Variants in MTPAP observed in about 807,000 individuals in gnomAD.
The protein encoded by MTPAP is mitochondrial poly(A) polymerase, also known as poly(A) RNA polymerase, mitochondrial.
A neutral mutation model predicts 48.7 loss-of-function variants in MTPAP; 23 were observed. The observed-to-expected ratio is 0.47, with a 90% CI of 0.34 to 0.67. The LOEUF (loss-of-function observed/expected upper bound fraction) is 0.67. Among genes scored for constraint, MTPAP ranks in the 30% least tolerant of loss-of-function variants. The pLI, the probability that MTPAP is intolerant of heterozygous loss-of-function variation, is 0.01. For missense variants in MTPAP, 614 were observed against 694.3 expected, an observed-to-expected ratio of 0.88 and a Z score of 1.30; for synonymous variants, 257 against 254.1, an observed-to-expected ratio of 1.01 and a Z score of -0.11.
At chr10:30,323,260 T>G (rs1466625673) in intron 5 of MTPAP, among the ~76,000 whole-genome samples, 1 of 149,750 alleles carries the variant, frequency 6.7e-6, no homozygotes, top group Non-Finnish European at 1.5e-5. Flanking sequence ...GAGACCAGCC[T>G]GGCCAACATG....
At position 30,312,776 on chromosome 10, in the gene MTPAP, G is replaced by T. The variant is rs2132840602; in HGVS notation, c.*833C>A. 1 of 152,190 alleles carries T rather than the reference G, an allele frequency of 6.6e-6. No individual in the cohort carries two copies. The highest frequency in any genetic ancestry group is 6.5e-5 in the Admixed American group (1 of 15,290). The allele number at this position is 152,190 out of a possible 1,614,324, so 9.4% of individuals were successfully genotyped here. On this transcript the variant is annotated 3_prime_UTR_variant, in exon 9 of 9. Transcript: ENST00000263063. ...AGACAAATATGTCTCTTTCCTGCAG[G>T]AAGAGGGGAGTTCTCAAAAGAGATG...
rs1840623120 is a variant in MTPAP, at chr10:30,313,492, T to C, written c.*117A>G. ...GTTAAGGGGGCCAATGAGAAGATCA[T>C]GAAAAGTGACATCAGATGAAAGCTG... On this transcript the variant is annotated 3_prime_UTR_variant, in exon 9 of 9. Transcript: ENST00000263063. 3.5e-6 allele frequency: 5 copies of C among 1,421,970 alleles called. No individual in the cohort carries two copies. The highest frequency in any genetic ancestry group is 2.3e-5 in the East Asian group (1 of 44,038). 88.1% of individuals were successfully genotyped at this position (1,421,970 alleles called of 1,614,324 possible).
chr10:30,316,449 G>T (rs1840663483), intron 6 of MTPAP, among the ~76,000 whole-genome samples: 2 of 151,192 alleles, frequency 1.3e-5, no homozygotes, highest in Admixed American at 1.3e-4. Context: ...TACCATGTTG[G>T]CCAGGCTGGT....
At chr10:30,344,041 T>C (rs1041155049) in intron 1 of MTPAP, among the ~76,000 whole-genome samples, 46 of 152,326 alleles carry the variant, frequency 3.0e-4, no homozygotes, top group African/African-American at 1.0e-3. Context: ...AAGTGTTCTT[T>C]ATAAAATGGT....
intron 6 of MTPAP, among the ~76,000 whole-genome samples, chr10:30,316,821 C>T (rs888955727): frequency 1.3e-5 from 2 of 151,802 alleles, no homozygotes; most frequent in Admixed American, 6.6e-5. Context: ...ACCCAGGAGG[C>T]GGAGGTTGCA....
At position 30,312,066 on chromosome 10, in the gene MTPAP, C is replaced by A. The variant is rs937658853; in HGVS notation, c.*1543G>T. 1 of 152,226 alleles carries A rather than the reference C, an allele frequency of 6.6e-6. No homozygotes were observed. Among genetic ancestry groups the A allele is most frequent in the East Asian group, 1.9e-4 (1 of 5,190 alleles). 9.4% of individuals were successfully genotyped at this position (152,226 alleles called of 1,614,324 possible). A position where few individuals can be genotyped will look rare whatever the true frequency, so the allele number is the denominator to read the frequency against. ...AGGAGAATCACTTGAATCCGGGAGG[C>A]GGAGGTTGCAGTGAGCTGAGATTGT... On this transcript the variant is annotated 3_prime_UTR_variant, in exon 9 of 9. Transcript: ENST00000263063.
chr10:30,314,017 G>T (rs1211507908), intron 8 of MTPAP, 46 bp from the exon 9 acceptor site: 15 of 1,589,050 alleles, frequency 9.4e-6, no homozygotes, highest in Non-Finnish European at 1.3e-5. Flanking sequence ...TACATGAAGG[G>T]CTTAAATATA....
intron 5 of MTPAP, among the ~76,000 whole-genome samples, chr10:30,323,446 T>G (rs1840750111): frequency 1.1e-5 from 1 of 88,016 alleles, no homozygotes; most frequent in Non-Finnish European, 2.3e-5. Context: ...AGCAAGACCC[T>G]GCCTCAAAAA....
intron 4 of MTPAP, among the ~76,000 whole-genome samples, chr10:30,332,540 C>T (rs1429467067): frequency 5.9e-5 from 9 of 152,116 alleles, no homozygotes; most frequent in African/African-American, 1.9e-4. Context: ...GTGATCCACC[C>T]GACTTGGCCT....
intron 5 of MTPAP, among the ~76,000 whole-genome samples, chr10:30,324,570 G>T (rs1454670218): frequency 1.3e-5 from 2 of 151,694 alleles, no homozygotes; most frequent in African/African-American, 2.4e-5. Context: ...AGTAAAAATA[G>T]AATTAAATTA....
In MTPAP at chr10:30,322,625, A is replaced by G. The variant is rs1474195116; in HGVS notation, c.993-8T>C. 1.9e-6 allele frequency: 3 copies of G among 1,588,304 alleles called. No individual in the cohort carries two copies. In the Admixed American group the frequency reaches 5.1e-5, roughly 27 times the overall value. ...GAACTTGTCAAGGCAATCCTTCAAAAAATAAAAATAAGAAAAATGTTCAAA... is the reference window on the plus strand; with the variant it reads ...GAACTTGTCAAGGCAATCCTTCAAAGAATAAAAATAAGAAAAATGTTCAAA... On this transcript the variant is annotated splice_polypyrimidine_tract_variant and splice_region_variant and intron_variant, in intron 5 of 8. Transcript: ENST00000263063.
At chr10:30,318,373 G>T (rs927717932) in intron 6 of MTPAP, among the ~76,000 whole-genome samples, 2 of 152,122 alleles carry the variant, frequency 1.3e-5, no homozygotes. Context: ...TATATAAAAT[G>T]TATGTATGTA....
At chr10:30,314,884 C>CAGAAAAAAAAAAAA (rs1840641262) in intron 8 of MTPAP, among the ~76,000 whole-genome samples, 1 of 110,746 alleles carries the variant, frequency 9.0e-6, no homozygotes, top group Non-Finnish European at 1.8e-5. Context: ...AAAACAAAAA[C>CAGAAAAAAAAAAAA]AAAAAAAAAA....
At chr10:30,340,201 A>C (rs1216120689) in intron 3 of MTPAP, 25 bp downstream of exon 3, 1 of 1,550,700 alleles carries the variant, frequency 6.4e-7, no homozygotes, top group East Asian at 2.2e-5. Flanking sequence ...TAGTTCTAAA[A>C]GTTGAGGTAC....
At position 30,333,237 on chromosome 10, in the gene MTPAP, T is replaced by C. The variant is rs554335463; in HGVS notation, c.780+3566A>G. Among the ~76,000 whole-genome samples the C allele has an allele frequency of 2.6e-5, 4 of 152,226 alleles. No homozygotes were observed. The East Asian group carries it at 7.7e-4, about 29-fold the overall frequency. On this transcript the variant is annotated intron_variant, in intron 4 of 8. Coordinates refer to ENST00000263063, the MANE Select transcript of MTPAP (RefSeq NM_018109.4). ...CCTCCCACTTACATAAGAGTAAAAT[T>C]ATATTGCTGTTGATGGTGGTCAACA...
intron 1 of MTPAP, among the ~76,000 whole-genome samples, chr10:30,346,417 G>A (rs1174167166): frequency 1.3e-5 from 2 of 152,020 alleles, no homozygotes; most frequent in Non-Finnish European, 2.9e-5. Context: ...AATTACTACA[G>A]ATAAAGAGAG....
intron 1 of MTPAP, among the ~76,000 whole-genome samples, chr10:30,346,625 T>C (rs1834876233): frequency 6.6e-6 from 1 of 152,208 alleles, no homozygotes; most frequent in South Asian, 2.1e-4. Flanking sequence ...AAATACCTAA[T>C]AAGCTGGGTA....
chr10:30,341,688 T>C (rs1397114012), intron 1 of MTPAP, 48 bp from the exon 2 acceptor site: 1 of 1,599,860 alleles, frequency 6.3e-7, no homozygotes, highest in South Asian at 1.1e-5. Flanking sequence ...CACACAAAAT[T>C]TTAAAAATAT....
chr10:30,339,977 G>A (rs1834779270), intron 3 of MTPAP: 1 of 518,230 alleles, frequency 1.9e-6, no homozygotes, highest in East Asian at 3.5e-5. Context: ...CATCTCAAAT[G>A]TCAAAACTCA....
Sources: gnomAD v4.1 joint callset for allele counts (sites outside exome capture counted in the v4.1 genomes callset) on GRCh38, gnomAD v4.1.1 for gene constraint, MANE v1.5 for transcripts, NCBI Gene and HGNC (gene_info 2026-07-23, HGNC 2026-07-21) for gene names.